The following ADAM2 variants were observed in gnomAD, a reference collection of about 807,000 sequenced individuals.
The protein encoded by ADAM2 is disintegrin and metalloproteinase domain-containing protein 2.
ADAM2 carries 101 observed loss-of-function variants against 99.3 expected under a neutral mutation model. The observed-to-expected ratio is 1.02, with a 90% CI of 0.87 to 1.20. The LOEUF (loss-of-function observed/expected upper bound fraction) is 1.20. Ranked by LOEUF, ADAM2 falls within the 50% of genes most tolerant of loss-of-function variation. The pLI is 0.00. For synonymous variants in ADAM2, 323 were observed against 287.6 expected (o/e 1.12, Z -1.25); for missense variants, 948 against 878.7 (o/e 1.08, Z -1.00).
chr8:39,746,415 A>G (rs2129582563), intron 19 of ADAM2, 57 bp downstream of exon 19: 3 of 1,176,244 alleles, frequency 2.6e-6, no homozygotes, highest in Non-Finnish European at 3.5e-6. Flanking sequence ...CCACATTGCT[A>G]TTTACTATGT....
chr8:39,775,057 C>T (rs1424719412), intron 11 of ADAM2, among the ~76,000 whole-genome samples: 1 of 152,054 alleles, frequency 6.6e-6, no homozygotes, highest in Non-Finnish European at 1.5e-5. Context: ...GCAATAATGA[C>T]TTCTTTCTGC....
chr8:39,789,802 G>T (rs1441131059), intron 7 of ADAM2, among the ~76,000 whole-genome samples: 1 of 151,298 alleles, frequency 6.6e-6, no homozygotes, highest in African/African-American at 2.4e-5. Context: ...ATCCCATAAA[G>T]ATCTAGTATA....
At chr8:39,777,660 T>C (rs2129584723) in intron 10 of ADAM2, among the ~76,000 whole-genome samples, 2 of 152,102 alleles carry the variant, frequency 1.3e-5, no homozygotes, top group Middle Eastern at 6.8e-3. Context: ...TTACTGTATA[T>C]GTTGAAATAT....
At chr8:39,749,117 C>A (rs1823595061) in intron 18 of ADAM2, among the ~76,000 whole-genome samples, 195 bp downstream of exon 18, 1 of 152,000 alleles carries the variant, frequency 6.6e-6, no homozygotes, top group Non-Finnish European at 1.5e-5. Flanking sequence ...ACTGATATAT[C>A]ATATTTATAA....
Position 39,824,880 on chromosome 8 carries a change from T to TAACTC in ADAM2, c.205_206insGAGTT (p.Asn69ArgfsTer15). 1 of 1,527,500 alleles carries TAACTC rather than the reference T, an allele frequency of 6.5e-7. No homozygotes were observed. Among genetic ancestry groups the TAACTC allele is most frequent in the Non-Finnish European group, 9.0e-7 (1 of 1,109,876 alleles). 94.6% of individuals were successfully genotyped at this position (1,527,500 alleles called of 1,614,324 possible). A position where few individuals can be genotyped will look rare whatever the true frequency, so the allele number is the denominator to read the frequency against. On this transcript the variant is annotated frameshift_variant, in exon 4 of 21. Transcript: ENST00000265708. LOFTEE classifies it high-confidence loss of function. ...GCCACTATAACTGTAAACTCTAAAA[T>TAACTC]TATGGGGTAAAAAGTTTCTGTAACA...
intron 7 of ADAM2, among the ~76,000 whole-genome samples, chr8:39,790,044 G>A (rs1803638087): frequency 6.6e-6 from 1 of 151,862 alleles, no homozygotes. Context: ...ATTAACAAGT[G>A]TTGGTGAGGA....
At chr8:39,795,397 C>T (rs1428054578) in intron 7 of ADAM2, among the ~76,000 whole-genome samples, 1 of 152,122 alleles carries the variant, frequency 6.6e-6, no homozygotes, top group Non-Finnish European at 1.5e-5. Context: ...GAAACATTTA[C>T]AATCTATTCT....
chr8:39,833,606 T>C (rs1805702017), intron 3 of ADAM2, among the ~76,000 whole-genome samples: 1 of 152,168 alleles, frequency 6.6e-6, no homozygotes, highest in Non-Finnish European at 1.5e-5. Flanking sequence ...CAATCTGCTA[T>C]GTTCTTTGAA....
intron 16 of ADAM2, among the ~76,000 whole-genome samples, chr8:39,755,380 A>G (rs1479395224): frequency 1.3e-5 from 2 of 152,242 alleles, no homozygotes; most frequent in African/African-American, 4.8e-5. Context: ...GTATCATTTA[A>G]GAACAGAGTC....
At position 39,751,669 on chromosome 8, in the gene ADAM2, AC is replaced by A. The variant is rs576501537; in HGVS notation, c.1798-1926del. ...GCAATAGTAATATTACATAAAAAAA[AC>A]AATTCTTTTTTATTCTTCACCAAAC... On this transcript the variant is annotated intron_variant, in intron 16 of 20. Coordinates refer to ENST00000265708, the MANE Select transcript of ADAM2 (RefSeq NM_001464.5). Among the ~76,000 whole-genome samples the A allele has an allele frequency of 8.5e-4, 129 of 152,300 alleles. 1 individual carries two copies. The highest frequency in any genetic ancestry group is 1.2e-3 in the South Asian group (6 of 4,830).
chr8:39,756,968 A>G (rs548819618), intron 15 of ADAM2, among the ~76,000 whole-genome samples: 2 of 152,318 alleles, frequency 1.3e-5, no homozygotes, highest in South Asian at 4.1e-4. Flanking sequence ...GATTCAACTA[A>G]TATGTGTGAC....
At chr8:39,802,548 C>T (rs1175225389) in intron 7 of ADAM2, among the ~76,000 whole-genome samples, 4 of 152,136 alleles carry the variant, frequency 2.6e-5, no homozygotes, top group South Asian at 2.1e-4. Context: ...GTGTGTGACC[C>T]TTCACACTCA....
intron 6 of ADAM2, among the ~76,000 whole-genome samples, chr8:39,820,003 G>A (rs988132230): frequency 1.3e-5 from 2 of 152,108 alleles, no homozygotes; most frequent in Non-Finnish European, 2.9e-5. Flanking sequence ...TAGATTTAAA[G>A]ACAATTCTAT....
At chr8:39,806,845 G>A (rs1804461893) in intron 7 of ADAM2, among the ~76,000 whole-genome samples, 1 of 152,166 alleles carries the variant, frequency 6.6e-6, no homozygotes, top group African/African-American at 2.4e-5. Flanking sequence ...TTATATGAGT[G>A]AAAACACTGC....
At chr8:39,775,933 T>C (rs987396011) in intron 11 of ADAM2, among the ~76,000 whole-genome samples, 8 of 152,090 alleles carry the variant, frequency 5.3e-5, no homozygotes, top group Non-Finnish European at 1.2e-4. Context: ...AGATGCATGC[T>C]CAAGGCTGCA....
intron 10 of ADAM2, among the ~76,000 whole-genome samples, chr8:39,780,529 C>G (rs1046108990): frequency 6.6e-6 from 1 of 152,110 alleles, no homozygotes; most frequent in African/African-American, 2.4e-5. Context: ...TTAACCTCTG[C>G]CACCCAATAA....
At position 39,749,783 on chromosome 8, in the gene ADAM2, A is replaced by G. The variant is rs765027668; in HGVS notation, c.1798-39T>C. On this transcript the variant is annotated intron_variant, in intron 16 of 20. Transcript: ENST00000265708. ...GCAAAAATAAGTTAATTGACATGCC[A>G]TCTAGAGTTGCCATTTAATTAAAAG... 9.9e-6 allele frequency: 15 copies of G among 1,522,560 alleles called. No individual in the cohort carries two copies. In the Admixed American group the frequency reaches 2.1e-4, roughly 21 times the overall value. 94.3% of individuals were successfully genotyped at this position (1,522,560 alleles called of 1,614,324 possible).
At chr8:39,824,543 A>G (rs1489927574) in intron 4 of ADAM2, among the ~76,000 whole-genome samples, 1 of 152,166 alleles carries the variant, frequency 6.6e-6, no homozygotes, top group African/African-American at 2.4e-5. Flanking sequence ...TTCATTTTAC[A>G]TATTTCACAA....
intron 10 of ADAM2, among the ~76,000 whole-genome samples, chr8:39,785,614 G>A (rs1328892959): frequency 7.2e-5 from 11 of 152,136 alleles, no homozygotes; most frequent in Non-Finnish European, 1.3e-4. Flanking sequence ...TGGCCAATGT[G>A]GCAAAACTTT....
Sources: allele counts gnomAD v4.1 joint callset (sites outside exome capture counted in the v4.1 genomes callset), GRCh38; gene constraint gnomAD v4.1.1; transcripts MANE v1.5; gene names NCBI Gene and HGNC (gene_info 2026-07-23, HGNC 2026-07-21).